CSMD1: variants seen among roughly 807,000 people sequenced by gnomAD.
The protein encoded by CSMD1 is CUB and Sushi multiple domains 1, also known as CUB and sushi domain-containing protein 1.
A neutral mutation model predicts 417.5 loss-of-function variants in CSMD1; 213 were observed. The ratio of observed to expected loss-of-function variants is 0.51; its 90% CI spans 0.46 to 0.57. The LOEUF (loss-of-function observed/expected upper bound fraction) is 0.57, where lower values mean the gene tolerates loss of function less well. Ranked by LOEUF, CSMD1 falls within the 20% of genes least tolerant of loss-of-function variation. CSMD1 has a pLI of 0.00. For missense variants in CSMD1, 6,923 were observed against 4,529.7 expected (o/e 1.53, Z -15.17); for synonymous variants, 2,862 against 1,736.8 (o/e 1.65, Z -16.11).
At chr8:3,906,200 A>T (rs540774575) in intron 5 of CSMD1, among the ~76,000 whole-genome samples, 30 of 152,264 alleles carry the variant, frequency 2.0e-4, no homozygotes, top group African/African-American at 7.0e-4. Context: ...GTGAATCACA[A>T]GTGCTTCATT....
chr8:3,941,500 G>T (rs1810880360), intron 5 of CSMD1, among the ~76,000 whole-genome samples: 1 of 152,122 alleles, frequency 6.6e-6, no homozygotes, highest in Non-Finnish European at 1.5e-5. Flanking sequence ...CTGAATAAAA[G>T]GAGCTTTGAT....
intron 4 of CSMD1, among the ~76,000 whole-genome samples, chr8:4,025,080 G>C (rs746817420): frequency 6.6e-6 from 1 of 152,154 alleles, no homozygotes; most frequent in Non-Finnish European, 1.5e-5. Context: ...ATAAGATTCA[G>C]AATTGGAGCA....
At chr8:3,380,765 T>A (rs777054988) in intron 18 of CSMD1, among the ~76,000 whole-genome samples, 4 of 151,922 alleles carry the variant, frequency 2.6e-5, no homozygotes, top group Non-Finnish European at 4.4e-5. Context: ...AGGGGAGGCA[T>A]AGCATTAGAA....
At chr8:4,339,489 T>C (rs111606956) in intron 3 of CSMD1, among the ~76,000 whole-genome samples, 17 of 152,164 alleles carry the variant, frequency 1.1e-4, no homozygotes, top group African/African-American at 3.9e-4. Flanking sequence ...TGGAGCTGAG[T>C]GACAAAGAGT....
At chr8:3,363,720 G>T (rs548381766) in intron 20 of CSMD1, among the ~76,000 whole-genome samples, 1 of 152,074 alleles carries the variant, frequency 6.6e-6, no homozygotes, top group Non-Finnish European at 1.5e-5. Flanking sequence ...ATATGTAATG[G>T]CACAAAGTGG....
intron 1 of CSMD1, among the ~76,000 whole-genome samples, chr8:4,866,236 C>G (rs1021481948): frequency 5.3e-5 from 8 of 151,864 alleles, no homozygotes; most frequent in Non-Finnish European, 1.0e-4. Flanking sequence ...GTACCAGGCT[C>G]TCTTGAAATT....
chr8:3,999,275 G>T (rs535262553), intron 4 of CSMD1, among the ~76,000 whole-genome samples: 1 of 152,144 alleles, frequency 6.6e-6, no homozygotes, highest in South Asian at 2.1e-4. Flanking sequence ...CCAAGATGGG[G>T]GGAGTTTGCT....
intron 2 of CSMD1, among the ~76,000 whole-genome samples, chr8:4,430,443 G>C (rs1054190721): frequency 6.0e-5 from 9 of 150,820 alleles, no homozygotes; most frequent in African/African-American, 2.2e-4. Flanking sequence ...ACCCTGAGAG[G>C]AATTTCATTT....
intron 10 of CSMD1, among the ~76,000 whole-genome samples, chr8:3,552,771 G>C (rs768534816): frequency 5.3e-5 from 8 of 152,102 alleles, no homozygotes; most frequent in East Asian, 3.9e-4. Flanking sequence ...CACAAGAACA[G>C]TTCTGCTTTT....
intron 4 of CSMD1, among the ~76,000 whole-genome samples, chr8:4,002,739 ATGAG>A (rs1330009939): frequency 6.6e-6 from 1 of 152,220 alleles, no homozygotes; most frequent in Admixed American, 6.5e-5. Context: ...ATCATAAATG[ATGAG>A]TGAAGAGACA....
At chr8:4,457,363 G>A (rs1022367439) in intron 2 of CSMD1, among the ~76,000 whole-genome samples, 2 of 152,122 alleles carry the variant, frequency 1.3e-5, no homozygotes, top group East Asian at 3.9e-4. Flanking sequence ...GGAGGAAGAA[G>A]TGATTGGGGC....
At chr8:3,680,104 C>G (rs188761056) in intron 7 of CSMD1, among the ~76,000 whole-genome samples, 1 of 151,888 alleles carries the variant, frequency 6.6e-6, no homozygotes, top group East Asian at 1.9e-4. Flanking sequence ...TAATCGACAC[C>G]ATAACATCAC....
chr8:4,513,265 AT>A (rs1321862055), intron 2 of CSMD1, among the ~76,000 whole-genome samples: 12 of 151,930 alleles, frequency 7.9e-5, no homozygotes, highest in Non-Finnish European at 1.5e-4. Context: ...GGGTATATAA[AT>A]TTTTTTTAAC....
chr8:4,784,516 G>A (rs527721389), intron 1 of CSMD1, among the ~76,000 whole-genome samples: 1 of 152,186 alleles, frequency 6.6e-6, no homozygotes. Context: ...CACTGGATGA[G>A]AGGAGACAGA....
intron 3 of CSMD1, among the ~76,000 whole-genome samples, chr8:4,224,234 GA>G (rs67231066): frequency 0.99 from 150,021 of 151,568 alleles, 74,242 homozygotes; most frequent in East Asian, 1. Flanking sequence ...GCCTTTTTCA[GA>G]AAAAAAAAAT....
At chr8:3,971,407 T>A (rs1440421243) in intron 5 of CSMD1, among the ~76,000 whole-genome samples, 7 of 152,164 alleles carry the variant, frequency 4.6e-5, no homozygotes, top group African/African-American at 1.7e-4. Flanking sequence ...TTATAAAATG[T>A]TTTTCAATAT....
chr8:4,652,589 T>G (rs1450976787), intron 1 of CSMD1, among the ~76,000 whole-genome samples: 1 of 151,452 alleles, frequency 6.6e-6, no homozygotes, highest in East Asian at 1.9e-4. Context: ...GAGGCAGAGG[T>G]TGCAGTGGGC....
Position 4,733,380 on chromosome 8 carries a change from T to C in CSMD1, c.86-95822A>G, listed in dbSNP as rs146277164. Among the ~76,000 whole-genome samples, 1,159 of 152,286 alleles carry C rather than the reference T, an allele frequency of 7.6e-3. 13 individuals carry two copies. Among genetic ancestry groups the C allele is most frequent in the African/African-American group, 0.014 (590 of 41,552 alleles). ...AGCCTTTTACCCTAGCAGGTTATAG[T>C]GACTCATGCCCAGAATAACCATATC... is the stretch of plus-strand genomic sequence containing the variant. On this transcript the variant is annotated intron_variant, in intron 1 of 69. Coordinates refer to ENST00000635120, the MANE Select transcript of CSMD1 (RefSeq NM_033225.6).
chr8:3,239,811 T>C (rs946315999), intron 26 of CSMD1, among the ~76,000 whole-genome samples: 3 of 151,532 alleles, frequency 2.0e-5, no homozygotes, highest in African/African-American at 7.3e-5. Flanking sequence ...CATGGGGAAA[T>C]GGGGTGAATG....
Sources: gnomAD v4.1 joint callset for allele counts (sites outside exome capture counted in the v4.1 genomes callset) on GRCh38, gnomAD v4.1.1 for gene constraint, MANE v1.5 for transcripts, NCBI Gene and HGNC (gene_info 2026-07-23, HGNC 2026-07-21) for gene names.